JAKMIP1: variants seen among roughly 807,000 people sequenced by gnomAD.
JAKMIP1 encodes the protein janus kinase and microtubule interacting protein 1.
A neutral mutation model predicts 113.0 loss-of-function variants in JAKMIP1; 33 were observed. That is an observed-to-expected ratio of 0.29 (90% CI 0.22 to 0.39). The LOEUF (loss-of-function observed/expected upper bound fraction) is 0.39, where lower values mean the gene tolerates loss of function less well. Ranked by LOEUF, JAKMIP1 falls within the 10% of genes least tolerant of loss-of-function variation. JAKMIP1 has a pLI of 1.00. For missense variants in JAKMIP1, 813 were observed against 1,080.5 expected (o/e 0.75, Z 3.47); for synonymous variants, 480 against 459.9 (o/e 1.04, Z -0.56).
chr4:6,116,017 T>C lies in JAKMIP1; in HGVS notation c.-147-3020A>G, dbSNP rs1479036703. On this transcript the variant is annotated intron_variant, in intron 1 of 20. Coordinates refer to ENST00000409021, the MANE Select transcript of JAKMIP1 (RefSeq NM_001099433.2). The surrounding 1 kb of genome is among the most constrained non-coding windows in gnomAD (Gnocchi z 5.1). ...CGATTCCAGGGTGAATAAATCTCCA[T>C]GGGCTGATACCAAGCCTGGTACTCT... Among the ~76,000 whole-genome samples the C allele has an allele frequency of 3.3e-5, 5 of 152,126 alleles. No homozygotes were observed. In the South Asian group the frequency reaches 8.3e-4, roughly 25 times the overall value.
chr4:6,170,398 T>C (rs1239186895), intron 1 of JAKMIP1, among the ~76,000 whole-genome samples: 2 of 3,328 alleles, frequency 6.0e-4, no homozygotes, highest in Non-Finnish European at 1.3e-3. Context: ...CCACTACCTC[T>C]ATCACTACCG....
rs1717935924 is a variant in JAKMIP1, at chr4:6,065,478, C to A, written c.1303-470G>T. Among the ~76,000 whole-genome samples, 1 of 152,192 alleles carries A rather than the reference C, an allele frequency of 6.6e-6. No homozygotes were observed. The highest frequency in any genetic ancestry group is 1.5e-5 in the Non-Finnish European group (1 of 68,040). The stretch of plus-strand genomic sequence containing the variant: ...AGATGCTCAGTTCTAAGGAGAAGAA[C>A]TGGATGAATAAGGACAGCAGAGGGG... On this transcript the variant is annotated intron_variant, in intron 8 of 20. Transcript: ENST00000409021. This position sits in a 1 kb window ranked among gnomAD's most constrained non-coding sequence, Gnocchi z 5.1.
chr4:6,142,146 C>T lies in JAKMIP1; in HGVS notation c.-147-29149G>A, dbSNP rs148850812. Among the ~76,000 whole-genome samples the T allele has an allele frequency of 2.6e-3, 396 of 152,268 alleles. 2 individuals carry two copies. Among genetic ancestry groups the T allele is most frequent in the Middle Eastern group, 0.01 (3 of 294 alleles). ...CATGAAATAAGAATTTTCCAAGACG[C>T]TCTGAAGAGTGGTGGAGGCCTTCCT... is the stretch of plus-strand genomic sequence containing the variant. On this transcript the variant is annotated intron_variant, in intron 1 of 20. Transcript: ENST00000409021. The surrounding 1 kb of genome is among the most constrained non-coding windows in gnomAD (Gnocchi z 5.5).
At position 6,112,797 on chromosome 4, in the gene JAKMIP1, C is replaced by G. The variant is rs750289605; in HGVS notation, c.54G>C (p.Ala18=). ...KGEKPEMETD[A]VQMANEELRA... is the part of the protein sequence containing the mutation. ...GCAGCTCCTCGTTGGCCATCTGCAC[C>G]GCGTCCGTCTCCATCTCGGGCTTCT... The change falls in exon 2 of 21, where the codon GCG becomes GCC. Residue 18 remains alanine, a synonymous_variant. Coordinates refer to ENST00000409021, the MANE Select transcript of JAKMIP1 (RefSeq NM_001099433.2). 2.0e-5 allele frequency: 32 copies of G among 1,614,018 alleles called. No individual in the cohort carries two copies. The highest frequency in any genetic ancestry group is 4.0e-5 in the African/African-American group (3 of 74,956).
At position 6,192,595 on chromosome 4, in the gene JAKMIP1, C is replaced by T. The variant is rs16838417; in HGVS notation, c.-148+7658G>A. Among the ~76,000 whole-genome samples, 2,451 of 152,256 alleles carry T rather than the reference C, an allele frequency of 0.016. 38 individuals carry two copies. Among genetic ancestry groups the T allele is most frequent in the African/African-American group, 0.042 (1,764 of 41,550 alleles). ...TCAGAAAGATGAAGGAACGAGCACT[C>T]GATCACAGAGCTAGCAGGGTGGAGT... is the stretch of plus-strand genomic sequence containing the variant. On this transcript the variant is annotated intron_variant, in intron 1 of 20. Transcript: ENST00000409021. This position sits in a 1 kb window ranked among gnomAD's most constrained non-coding sequence, Gnocchi z 5.0.
intron 18 of JAKMIP1, among the ~76,000 whole-genome samples, 171 bp from the exon 19 acceptor site, chr4:6,036,278 G>A (rs1341635385): frequency 1.3e-5 from 2 of 152,236 alleles, no homozygotes; most frequent in Non-Finnish European, 2.9e-5. Context: ...CAGGCTGTGA[G>A]GGAGCAACTC....
At chr4:6,095,329 A>G (rs957549173) in intron 3 of JAKMIP1, among the ~76,000 whole-genome samples, 4 of 151,572 alleles carry the variant, frequency 2.6e-5, no homozygotes, top group Admixed American at 6.6e-5. Context: ...AGAGAGAGAC[A>G]GCGAAAGAAA....
chr4:6,027,807 G>A (rs1329367556), intron 20 of JAKMIP1, among the ~76,000 whole-genome samples: 4 of 151,960 alleles, frequency 2.6e-5, no homozygotes, highest in East Asian at 1.9e-4. Context: ...TTAAGTGTGC[G>A]CTCATTCCAC....
intron 16 of JAKMIP1, among the ~76,000 whole-genome samples, chr4:6,043,011 C>G (rs1268073424): frequency 6.6e-6 from 1 of 151,966 alleles, no homozygotes; most frequent in Non-Finnish European, 1.5e-5. Context: ...GTGGATGTGC[C>G]TCTACGAGGA....
intron 20 of JAKMIP1, 34 bp downstream of exon 20, chr4:6,029,682 A>G (rs1396313222): frequency 1.4e-6 from 2 of 1,462,412 alleles, no homozygotes; most frequent in East Asian, 4.6e-5. Flanking sequence ...TCATGGAAAG[A>G]AACCTGGGGA....
intron 8 of JAKMIP1, among the ~76,000 whole-genome samples, chr4:6,077,595 T>C (rs1230217788): frequency 1.4e-5 from 2 of 146,790 alleles, no homozygotes; most frequent in African/African-American, 2.5e-5. Flanking sequence ...CAAGCAGTCC[T>C]CCTGCTTCAG....
rs180995399 is a variant in JAKMIP1 at position 6,110,110 on chromosome 4, T to G, written c.129+2612A>C. 2.6e-5 allele frequency among the ~76,000 whole-genome samples: 4 copies of G among 152,282 alleles called. No individual in the cohort carries two copies. In the East Asian group the frequency reaches 7.7e-4, roughly 29 times the overall value. The stretch of plus-strand genomic sequence containing the variant: ...ACTGTGCTGGCCTCGTGTGTGGGGC[T>G]AAACTGTGTCCCCCTGAAAATCATA... On this transcript the variant is annotated intron_variant, in intron 2 of 20. Transcript: ENST00000409021.
chr4:6,101,331 T>C (rs143527640), intron 3 of JAKMIP1, among the ~76,000 whole-genome samples: 1 of 152,158 alleles, frequency 6.6e-6, no homozygotes, highest in East Asian at 1.9e-4. Flanking sequence ...TCCAATATTG[T>C]CCATTGAAAG....
In JAKMIP1 at chr4:6,066,900, C is replaced by T. The variant is rs1718175136; in HGVS notation, c.1303-1892G>A. The stretch of plus-strand genomic sequence containing the variant: ...CCTCCCTCTCCTCCTCCGCTCCAGG[C>T]TTCTGCACCCCACACACACCTGCCA... On this transcript the variant is annotated intron_variant, in intron 8 of 20. Transcript: ENST00000409021. Among the ~76,000 whole-genome samples, 3 of 152,094 alleles carry T rather than the reference C, an allele frequency of 2.0e-5. No individual in the cohort carries two copies. The South Asian group carries it at 6.2e-4, about 32-fold the overall frequency.
chr4:6,033,122 C>A (rs927086973), intron 19 of JAKMIP1, among the ~76,000 whole-genome samples: 1 of 152,232 alleles, frequency 6.6e-6, no homozygotes, highest in African/African-American at 2.4e-5. Flanking sequence ...GTGCCATTCA[C>A]TAATGGATGT....
intron 8 of JAKMIP1, among the ~76,000 whole-genome samples, chr4:6,071,593 G>A (rs1718968468): frequency 6.6e-6 from 1 of 152,230 alleles, no homozygotes; most frequent in Non-Finnish European, 1.5e-5. Context: ...CCCTTCCCAA[G>A]TCTGCAAATG....
intron 5 of JAKMIP1, among the ~76,000 whole-genome samples, chr4:6,082,018 T>C (rs1480045106): frequency 6.6e-6 from 1 of 152,172 alleles, no homozygotes; most frequent in Non-Finnish European, 1.5e-5. Flanking sequence ...CCCAGTGTTA[T>C]TTTCATGGAA....
At chr4:6,172,465 G>T (rs1724842972) in intron 1 of JAKMIP1, among the ~76,000 whole-genome samples, 1 of 152,156 alleles carries the variant, frequency 6.6e-6, no homozygotes, top group Non-Finnish European at 1.5e-5. Flanking sequence ...TCTGGCCTGG[G>T]TTTCTTCCAG....
At chr4:6,119,007 G>A (rs761516032) in intron 1 of JAKMIP1, among the ~76,000 whole-genome samples, 5 of 152,194 alleles carry the variant, frequency 3.3e-5, no homozygotes, top group South Asian at 4.1e-4. Flanking sequence ...AAGCCCAAGC[G>A]AAGTCAGGGA....
Sources: gnomAD v4.1 joint callset for allele counts (sites outside exome capture counted in the v4.1 genomes callset) on GRCh38, gnomAD v4.1.1 for gene constraint, Gnocchi (gnomAD v3.1) non-coding constraint, MANE v1.5 for transcripts, NCBI Gene and HGNC (gene_info 2026-07-23, HGNC 2026-07-21) for gene names.